SH3KBP1: variants seen among roughly 807,000 people sequenced by gnomAD.
SH3KBP1 encodes SH3 domain containing kinase binding protein 1.
Under a neutral mutation model 50.1 loss-of-function variants are expected in SH3KBP1, and 8 were observed. The observed-to-expected ratio is 0.16, with a 90% CI of 0.09 to 0.29. SH3KBP1 has a LOEUF of 0.29. Ranked by LOEUF, SH3KBP1 falls within the 10% of genes least tolerant of loss-of-function variation. SH3KBP1 has a pLI of 1.00. For missense variants in SH3KBP1, 377 were observed against 535.2 expected (o/e 0.70, Z 2.92); for synonymous variants, 227 against 218.6 (o/e 1.04, Z -0.34).
At chrX:19,553,864 AATATATGTTAAT>A (rs1184693436) in intron 13 of SH3KBP1, among the ~76,000 whole-genome samples, 1 of 84,371 alleles carries the variant, frequency 1.2e-5, no homozygotes, top group Non-Finnish European at 2.2e-5. Context: ...TATATATTAA[AATATATGTTAAT>A]ATATAATATA....
At chrX:19,565,660 A>G (rs1336126954) in intron 13 of SH3KBP1, among the ~76,000 whole-genome samples, 1 of 111,372 alleles carries the variant, frequency 9.0e-6, no homozygotes, top group Admixed American at 9.5e-5. Context: ...TTCTAACACA[A>G]GGATATTCCA....
chrX:19,751,836 C>T (rs891932544), intron 2 of SH3KBP1, among the ~76,000 whole-genome samples: 1 of 112,171 alleles, frequency 8.9e-6, no homozygotes, highest in African/African-American at 3.2e-5. Flanking sequence ...ATTCAGCGGC[C>T]TGCAAACAGC....
At chrX:19,807,470 G>A (rs1217118295) in intron 2 of SH3KBP1, among the ~76,000 whole-genome samples, 1 of 110,799 alleles carries the variant, frequency 9.0e-6, no homozygotes, top group Non-Finnish European at 1.9e-5. Context: ...GCAATGGCAG[G>A]AGCCTCTTCC....
At chrX:19,551,724 T>C (rs1262422908) in intron 13 of SH3KBP1, among the ~76,000 whole-genome samples, 1 of 108,870 alleles carries the variant, frequency 9.2e-6, no homozygotes, top group African/African-American at 3.4e-5. Context: ...GGTTTTGACA[T>C]GTTGCCCAGG....
intron 6 of SH3KBP1, among the ~76,000 whole-genome samples, chrX:19,647,078 T>C (rs963594109): frequency 8.9e-6 from 1 of 112,349 alleles, no homozygotes; most frequent in African/African-American, 3.2e-5. Flanking sequence ...TTCATTCACA[T>C]TCCTGTTCAC....
At chrX:19,661,919 G>A (rs369434652) in intron 6 of SH3KBP1, among the ~76,000 whole-genome samples, 1 of 111,405 alleles carries the variant, frequency 9.0e-6, no homozygotes, top group African/African-American at 3.3e-5. Flanking sequence ...GAGCCACTGC[G>A]CCTGGCCAGA....
intron 12 of SH3KBP1, among the ~76,000 whole-genome samples, chrX:19,580,940 CT>C (rs907251635): frequency 4.5e-5 from 5 of 110,779 alleles, no homozygotes; most frequent in Non-Finnish European, 9.5e-5. Context: ...TCTGTAATTG[CT>C]TTTTTTTCTC....
intron 2 of SH3KBP1, among the ~76,000 whole-genome samples, chrX:19,786,039 C>A (rs951379384): frequency 1.8e-5 from 2 of 111,852 alleles, no homozygotes; most frequent in African/African-American, 6.5e-5. Flanking sequence ...CTATTTGAAC[C>A]ATACACTTCA....
At position 19,575,699 on chromosome X, in the gene SH3KBP1, A is replaced by G. The variant is rs1372721603; in HGVS notation, c.1299-6511T>C. The stretch of plus-strand genomic sequence containing the variant: ...TAGGGAAGCTGCAGCTGGTGTTTTG[A>G]CAGTGTTCAGACTGTGGGTGTGCAA... On this transcript the variant is annotated intron_variant, in intron 12 of 17. Coordinates refer to ENST00000397821, the MANE Select transcript of SH3KBP1 (RefSeq NM_031892.3). Among the ~76,000 whole-genome samples, 22 of 112,462 alleles carry G rather than the reference A, an allele frequency of 2.0e-4. No homozygotes were observed. In the Admixed American group the frequency reaches 2.1e-3, roughly 11 times the overall value.
chrX:19,683,331 C>T (rs374720408), intron 6 of SH3KBP1: 11 of 368,632 alleles, frequency 3.0e-5, no homozygotes, highest in South Asian at 1.2e-4. Flanking sequence ...TTCACACCTG[C>T]GGGAGACTTC....
At chrX:19,708,132 C>T (rs1300242070) in intron 3 of SH3KBP1, among the ~76,000 whole-genome samples, 2 of 112,792 alleles carry the variant, frequency 1.8e-5, no homozygotes, top group Non-Finnish European at 3.8e-5. Context: ...GATCACAGGG[C>T]ACATTAAGGC....
chrX:19,634,034 GTGTGTGTGTGTGT>G (rs1569362700), intron 7 of SH3KBP1, among the ~76,000 whole-genome samples: 2 of 6,102 alleles, frequency 3.3e-4, no homozygotes, highest in African/African-American at 7.7e-4. Context: ...GTTCCCTGGT[GTGTGTGTGTGTGT>G]GTGTGTGTGT....
intron 12 of SH3KBP1, among the ~76,000 whole-genome samples, chrX:19,581,705 A>G (rs1339211029): frequency 9.1e-5 from 10 of 110,348 alleles, no homozygotes; most frequent in African/African-American, 3.3e-4. Flanking sequence ...CCCAAGAGAG[A>G]CATCTGCCCT....
chrX:19,788,331 T>G (rs898751624), intron 2 of SH3KBP1, among the ~76,000 whole-genome samples: 31 of 100,192 alleles, frequency 3.1e-4, no homozygotes, highest in Non-Finnish European at 6.0e-4. Context: ...CACAGAGATA[T>G]GCACACAGGG....
At chrX:19,879,836 G>C (rs190827175) in intron 1 of SH3KBP1, among the ~76,000 whole-genome samples, 1 of 113,350 alleles carries the variant, frequency 8.8e-6, no homozygotes, top group East Asian at 2.8e-4. Flanking sequence ...TGGTGCTCCA[G>C]CCATCTGTGT....
intron 1 of SH3KBP1, among the ~76,000 whole-genome samples, chrX:19,855,997 C>T (rs756600033): frequency 1.8e-5 from 2 of 111,093 alleles, no homozygotes; most frequent in East Asian, 5.6e-4. Flanking sequence ...CTATTTAACA[C>T]CAGTAGAAGG....
chrX:19,683,266 GC>G (rs2063097975), intron 6 of SH3KBP1: 1 of 353,383 alleles, frequency 2.8e-6, no homozygotes, highest in African/African-American at 2.6e-5. Flanking sequence ...GAAGGAAACA[GC>G]CAGCTTCCTG....
chrX:19,887,522 A>T lies in SH3KBP1; in HGVS notation c.-212T>A. 6.1e-6 allele frequency: 1 copy of T among 163,167 alleles called. No individual in the cohort carries two copies. Among genetic ancestry groups the T allele is most frequent in the Non-Finnish European group, 1.1e-5 (1 of 92,545 alleles). The allele number at this position is 163,167 out of a possible 1,213,427, so 13.4% of individuals were successfully genotyped here. Reference sequence around the variant, plus strand: ...CTGCTGCCGCTGCTGCCCCGGGGCGACTCCTGCTGCTGCTGTTGCATCGCG... The same window carrying T: ...CTGCTGCCGCTGCTGCCCCGGGGCGTCTCCTGCTGCTGCTGTTGCATCGCG... On this transcript the variant is annotated 5_prime_UTR_variant, in exon 1 of 18. Transcript: ENST00000397821.
intron 3 of SH3KBP1, among the ~76,000 whole-genome samples, chrX:19,734,616 G>T (rs749804178): frequency 8.9e-6 from 1 of 111,846 alleles, no homozygotes; most frequent in Non-Finnish European, 1.9e-5. Flanking sequence ...GTACAGCCAT[G>T]ACAGCAGTGT....
Sources: allele counts gnomAD v4.1 joint callset (sites outside exome capture counted in the v4.1 genomes callset), GRCh38; gene constraint gnomAD v4.1.1; transcripts MANE v1.5; gene names NCBI Gene and HGNC (gene_info 2026-07-23, HGNC 2026-07-21).